Variants in NCOA2 observed in about 807,000 individuals in gnomAD.
The protein encoded by NCOA2 is class E basic helix-loop-helix protein 75.
NCOA2 carries 21 observed loss-of-function variants against 145.1 expected under a neutral mutation model. The observed-to-expected ratio is 0.14, with a 90% CI of 0.10 to 0.21. The LOEUF is 0.21. Among genes scored for constraint, NCOA2 ranks in the 10% least tolerant of loss-of-function variants. NCOA2 has a pLI of 1.00. For missense variants in NCOA2, 1,472 were observed against 1,837.6 expected, an observed-to-expected ratio of 0.80 and a Z score of 3.64; for synonymous variants, 619 against 637.5, an observed-to-expected ratio of 0.97 and a Z score of 0.44.
intron 1 of NCOA2, among the ~76,000 whole-genome samples, chr8:70,399,777 C>T (rs1814054356): frequency 6.6e-6 from 1 of 152,222 alleles, no homozygotes; most frequent in Admixed American, 6.5e-5. Flanking sequence ...GAGACCATCC[C>T]CTTTTGTATT....
chr8:70,334,443 G>C (rs116639510), intron 1 of NCOA2, among the ~76,000 whole-genome samples: 1 of 151,966 alleles, frequency 6.6e-6, no homozygotes, highest in Admixed American at 6.6e-5. Context: ...TCAAAGTTCC[G>C]CTCCTACTTC....
Position 70,113,078 on chromosome 8 carries a change from T to G in NCOA2, c.*554A>C, listed in dbSNP as rs1806686487. 1 of 200,230 alleles carries G rather than the reference T, an allele frequency of 5.0e-6. No homozygotes were observed. The highest frequency in any genetic ancestry group is 1.0e-5 in the Non-Finnish European group (1 of 97,124). 12.4% of individuals were successfully genotyped at this position (200,230 alleles called of 1,614,324 possible). A position where few individuals can be genotyped will look rare whatever the true frequency, so the allele number is the denominator to read the frequency against. ...TTTGTTGGTCTTCACGCACTGGGTG[T>G]GTCTGTAAATACAGCGCTGTCCACG... On this transcript the variant is annotated 3_prime_UTR_variant, in exon 23 of 23. Coordinates refer to ENST00000452400, the MANE Select transcript of NCOA2 (RefSeq NM_006540.4).
chr8:70,151,729 C>A (rs1811773774), intron 11 of NCOA2, among the ~76,000 whole-genome samples: 1 of 152,178 alleles, frequency 6.6e-6, no homozygotes, highest in Non-Finnish European at 1.5e-5. Context: ...GTTTTCCCAA[C>A]TAGAGATAAT....
chr8:70,209,282 GC>G (rs1438328760), intron 4 of NCOA2, among the ~76,000 whole-genome samples: 2 of 152,218 alleles, frequency 1.3e-5, no homozygotes, highest in Non-Finnish European at 2.9e-5. Context: ...ACGAGGAGTT[GC>G]TTTTTGCGGA....
intron 4 of NCOA2, among the ~76,000 whole-genome samples, chr8:70,213,207 AC>A (rs2133872127): frequency 6.6e-6 from 1 of 152,188 alleles, no homozygotes; most frequent in African/African-American, 2.4e-5. Flanking sequence ...GGGCACCAAA[AC>A]GTTGTTCATA....
At chr8:70,287,111 G>A (rs1266548519) in intron 2 of NCOA2, among the ~76,000 whole-genome samples, 1 of 152,060 alleles carries the variant, frequency 6.6e-6, no homozygotes, top group South Asian at 2.1e-4. Flanking sequence ...GGATGTGGTG[G>A]TATACACCTG....
chr8:70,346,148 C>T (rs1808614743), intron 1 of NCOA2, among the ~76,000 whole-genome samples: 1 of 152,150 alleles, frequency 6.6e-6, no homozygotes, highest in Non-Finnish European at 1.5e-5. Flanking sequence ...AGACAAAATC[C>T]TAACTCTAAG....
At chr8:70,149,081 T>G (rs1811446411) in intron 11 of NCOA2, among the ~76,000 whole-genome samples, 1 of 151,976 alleles carries the variant, frequency 6.6e-6, no homozygotes, top group African/African-American at 2.4e-5. Flanking sequence ...TGAGTAGTCC[T>G]TTTTTTCTGC....
chr8:70,141,454 A>G, intron 13 of NCOA2, 55 bp from the exon 14 acceptor site: 1 of 1,430,592 alleles, frequency 7.0e-7, no homozygotes, highest in South Asian at 1.2e-5. Flanking sequence ...CATATTTAGC[A>G]TGTATGAACA....
At chr8:70,359,632 TAG>T (rs2130986649) in intron 1 of NCOA2, among the ~76,000 whole-genome samples, 1 of 152,262 alleles carries the variant, frequency 6.6e-6, no homozygotes, top group South Asian at 2.1e-4. Flanking sequence ...GTTTAGGAAC[TAG>T]AGAGAGGTGG....
intron 2 of NCOA2, among the ~76,000 whole-genome samples, chr8:70,252,437 C>T (rs1043715969): frequency 6.6e-6 from 1 of 152,098 alleles, no homozygotes; most frequent in Non-Finnish European, 1.5e-5. Flanking sequence ...CAAAATAAAA[C>T]GTTAGAGGGA....
At chr8:70,250,716 G>T (rs1823095274) in intron 2 of NCOA2, among the ~76,000 whole-genome samples, 1 of 151,952 alleles carries the variant, frequency 6.6e-6, no homozygotes, top group South Asian at 2.1e-4. Context: ...AATCTATAAA[G>T]ATTTCTTCTT....
rs764281549 is a variant in NCOA2, at chr8:70,124,717, T to A, written c.4065A>T (p.Gly1355=). The A allele has an allele frequency of 6.2e-7, 1 of 1,612,182 alleles. No individual in the cohort carries two copies. The highest frequency in any genetic ancestry group is 8.5e-7 in the Non-Finnish European group (1 of 1,179,324). ...PAYQAPSDIN[G]WAQGNMGGNS... ...TTCCGCCCATGTTCCCCTGCGCCCA[T>A]CCATTTATGTCGGAGGGGGCCTGAT... Residue 1355 remains glycine (G), a synonymous_variant, in exon 20 of 23, where the codon GGA becomes GGT. Transcript: ENST00000452400.
chr8:70,275,866 T>A (rs568436151), intron 2 of NCOA2, among the ~76,000 whole-genome samples: 1 of 152,214 alleles, frequency 6.6e-6, no homozygotes, highest in Non-Finnish European at 1.5e-5. Flanking sequence ...CGATGGTTCT[T>A]ATGCTTAAAC....
chr8:70,385,286 A>G (rs1163253739), intron 1 of NCOA2, among the ~76,000 whole-genome samples: 1 of 152,234 alleles, frequency 6.6e-6, no homozygotes, highest in Admixed American at 6.5e-5. Context: ...CAAAGTGACA[A>G]TAACAACAGC....
chr8:70,184,963 A>C (rs1256110222), intron 4 of NCOA2, among the ~76,000 whole-genome samples: 3 of 152,088 alleles, frequency 2.0e-5, no homozygotes, highest in African/African-American at 7.2e-5. Context: ...CTTCCTTTTC[A>C]CTGACATCTT....
At chr8:70,398,536 G>T (rs7827687) in intron 1 of NCOA2, among the ~76,000 whole-genome samples, 8,888 of 152,166 alleles carry the variant, frequency 0.058, 849 homozygotes, top group African/African-American at 0.2. Context: ...CAAACAATTC[G>T]GAACTGGCTG....
intron 1 of NCOA2, among the ~76,000 whole-genome samples, chr8:70,325,462 C>T (rs746719903): frequency 1.3e-5 from 2 of 151,290 alleles, no homozygotes; most frequent in African/African-American, 2.4e-5. Flanking sequence ...AACACTCTGT[C>T]GCCCAGGCTG....
intron 1 of NCOA2, among the ~76,000 whole-genome samples, chr8:70,338,698 G>A (rs370305340): frequency 6.6e-6 from 1 of 152,042 alleles, no homozygotes; most frequent in African/African-American, 2.4e-5. Context: ...ATAAAATACT[G>A]GCAAACTGAA....
Sources: gnomAD v4.1 joint callset for allele counts (sites outside exome capture counted in the v4.1 genomes callset) on GRCh38, gnomAD v4.1.1 for gene constraint, MANE v1.5 for transcripts, NCBI Gene and HGNC (gene_info 2026-07-23, HGNC 2026-07-21) for gene names.